The following NRDC variants were observed in gnomAD, a reference collection of about 807,000 sequenced individuals.
NRDC encodes nardilysin.
Under a neutral mutation model 147.1 loss-of-function variants are expected in NRDC, and 54 were observed. The ratio of observed to expected loss-of-function variants is 0.37; its 90% CI spans 0.29 to 0.46. NRDC has a LOEUF of 0.46. NRDC is among the 20% of genes least tolerant of loss of function. NRDC has a pLI of 1.00. For missense variants in NRDC, 1,082 were observed against 1,370.6 expected, an observed-to-expected ratio of 0.79 and a Z score of 3.33; for synonymous variants, 440 against 482.1, an observed-to-expected ratio of 0.91 and a Z score of 1.14.
At chr1:51,843,324 A>C (rs894290162) in intron 1 of NRDC, among the ~76,000 whole-genome samples, 29 of 151,900 alleles carry the variant, frequency 1.9e-4, no homozygotes, top group Non-Finnish European at 2.8e-4. Context: ...AAAAAAAAAA[A>C]AAAAACCCAA....
rs374695015 is a variant in NRDC at position 51,846,632 on chromosome 1, C to G, written c.342-6118G>C. Among the ~76,000 whole-genome samples, 342 of 152,320 alleles carry G rather than the reference C, an allele frequency of 2.2e-3. 1 individual carries two copies. Among genetic ancestry groups the G allele is most frequent in the African/African-American group, 8.1e-3 (335 of 41,570 alleles). ...ACTCTCGCTGGCTTCAGGAGTGAAG[C>G]TGCAGACCTTCAGGGTGAGTGTTAT... On this transcript the variant is annotated intron_variant, in intron 1 of 30. Transcript: ENST00000352171.
In NRDC at chr1:51,840,450, T is replaced by C; in HGVS notation, c.406A>G (p.Lys136Glu). Residue 136 changes from lysine to glutamate, a missense_variant, in exon 2 of 31, where the codon AAA (lysine) becomes GAA (glutamate). By Grantham distance (56) the Lys-to-Glu change is moderately conservative (BLOSUM62 1). Around this residue, in one of 3 missense-constraint regions of NRDC, gnomAD observed 260 missense variants for 253.2 expected, o/e 1.03. Coordinates refer to ENST00000352171, the MANE Select transcript of NRDC (RefSeq NM_001101662.2). ...TCATCATCTGTTGTATTTCCTGTTTTACCTTCCATATTACTTAGGTCTGAA... is the reference window on the plus strand; with the variant it reads ...TCATCATCTGTTGTATTTCCTGTTTCACCTTCCATATTACTTAGGTCTGAA... ...LISDLSNMEG[K>E]TGNTTDDEEE... The C allele has an allele frequency of 6.2e-7, 1 of 1,612,866 alleles. No individual in the cohort carries two copies. Among genetic ancestry groups the C allele is most frequent in the Non-Finnish European group, 8.5e-7 (1 of 1,179,242 alleles).
Position 51,840,379 on chromosome 1 carries a change from ATCT to A in NRDC, c.474_476del (p.Glu158del), listed in dbSNP as rs748393756. 2.6e-6 allele frequency: 4 copies of A among 1,526,440 alleles called. No homozygotes were observed. In the African/African-American group the frequency reaches 5.7e-5, roughly 22 times the overall value. 94.6% of individuals were successfully genotyped at this position (1,526,440 alleles called of 1,614,324 possible). The stretch of plus-strand genomic sequence containing the variant: ...CGTCATCTTCTATTTCAGCTCCAGA[ATCT>A]TCATCATCATCTTCTTCTTCTTCCT... On this transcript the variant is annotated inframe_deletion, in exon 2 of 31. Coordinates refer to ENST00000352171, the MANE Select transcript of NRDC (RefSeq NM_001101662.2).
At chr1:51,834,210 T>C (rs373239115) in intron 3 of NRDC, 40 bp from the exon 4 acceptor site, 125 of 1,599,656 alleles carry the variant, frequency 7.8e-5, no homozygotes, top group Admixed American at 6.9e-5. Context: ...CACAAAGATA[T>C]AGAAAATATT....
At chr1:51,837,125 A>G (rs1681023965) in intron 2 of NRDC, among the ~76,000 whole-genome samples, 1 of 152,158 alleles carries the variant, frequency 6.6e-6, no homozygotes, top group African/African-American at 2.4e-5. Context: ...AAAAAAGGAG[A>G]AAAAACGGTC....
intron 22 of NRDC, among the ~76,000 whole-genome samples, chr1:51,796,866 G>A (rs1345811265): frequency 5.3e-5 from 8 of 149,662 alleles, no homozygotes; most frequent in African/African-American, 1.7e-4. Context: ...GATTACAGGC[G>A]TGAGCCACCG....
intron 6 of NRDC, among the ~76,000 whole-genome samples, chr1:51,824,777 C>T (rs1250144171): frequency 6.6e-6 from 1 of 152,220 alleles, no homozygotes; most frequent in Non-Finnish European, 1.5e-5. Flanking sequence ...TCAAATCTCA[C>T]ATCCACCACT....
chr1:51,824,174 G>A (rs539033933), intron 6 of NRDC, among the ~76,000 whole-genome samples: 1 of 147,722 alleles, frequency 6.8e-6, no homozygotes, highest in African/African-American at 2.5e-5. Context: ...CGCCCAGGCT[G>A]GAGTGCAATA....
At position 51,793,903 on chromosome 1, in the gene NRDC, G is replaced by C. The variant is rs539365207; in HGVS notation, c.2775+569C>G. On this transcript the variant is annotated intron_variant, in intron 24 of 30. Transcript: ENST00000352171. ...TAGAGCTAACTGTGATTACTGCCAC[G>C]TGCTTCCTTCCTTTAAGCACCACAC... 2.6e-5 allele frequency: 4 copies of C among 152,720 alleles called. No homozygotes were observed. In the East Asian group the frequency reaches 7.7e-4, roughly 29 times the overall value. The allele number at this position is 152,720 out of a possible 1,614,324, so 9.5% of individuals were successfully genotyped here. A position where few individuals can be genotyped will look rare whatever the true frequency, so the allele number is the denominator to read the frequency against.
At chr1:51,868,545 T>A (rs544863494) in intron 1 of NRDC, among the ~76,000 whole-genome samples, 45 of 152,308 alleles carry the variant, frequency 3.0e-4, no homozygotes, top group Non-Finnish European at 5.0e-4. Context: ...AGTAATGTAT[T>A]TTCATAGAAT....
chr1:51,826,875 A>T (rs1365519540), intron 5 of NRDC, among the ~76,000 whole-genome samples: 1 of 152,172 alleles, frequency 6.6e-6, no homozygotes, highest in Non-Finnish European at 1.5e-5. Context: ...GTGTCAACCC[A>T]CTCTAGAAAC....
At chr1:51,843,409 C>T (rs754232697) in intron 1 of NRDC, among the ~76,000 whole-genome samples, 14 of 151,990 alleles carry the variant, frequency 9.2e-5, no homozygotes, top group Non-Finnish European at 8.8e-5. Context: ...GGATACGACA[C>T]CAAAGGAATC....
intron 1 of NRDC, among the ~76,000 whole-genome samples, chr1:51,848,986 C>T (rs1681796783): frequency 6.6e-6 from 1 of 152,146 alleles, no homozygotes; most frequent in Non-Finnish European, 1.5e-5. Context: ...AAATGAAAGA[C>T]CTCACTAAAC....
Position 51,826,829 on chromosome 1 carries a change from T to C in NRDC, c.940+967A>G, listed in dbSNP as rs1680468396. On this transcript the variant is annotated intron_variant, in intron 5 of 30. Coordinates refer to ENST00000352171, the MANE Select transcript of NRDC (RefSeq NM_001101662.2). ...TAAAATATATTCTGGCTTAAAATTG[T>C]AAAATCTAATTAAAGGTCTGCTTGT... 3.3e-5 allele frequency among the ~76,000 whole-genome samples: 5 copies of C among 152,180 alleles called. No individual in the cohort carries two copies. In the South Asian group the frequency reaches 1.0e-3, roughly 31 times the overall value.
Position 51,806,862 on chromosome 1 carries a change from A to G in NRDC, c.2042T>C (p.Val681Ala), listed in dbSNP as rs751488230. 12 of 1,614,072 alleles carry G rather than the reference A, an allele frequency of 7.4e-6. No homozygotes were observed. The South Asian group carries it at 9.9e-5, about 13-fold the overall frequency. Reference protein sequence around the residue: ...AFDCPETEYPVKIVNTPQGCL... With the variant: ...AFDCPETEYPAKIVNTPQGCL... ...ACCTTGTGGAGTATTCACAATTTTA[A>G]CTGGGTATTCTGTTTCCGGGCAATC... The change falls in exon 18 of 31, where the codon GTT (valine) becomes GCT (alanine). Residue 681 changes from valine (V) to alanine (A), a missense_variant. Transcript: ENST00000352171.
chr1:51,868,159 T>C (rs1335692666), intron 1 of NRDC, among the ~76,000 whole-genome samples: 1 of 151,990 alleles, frequency 6.6e-6, no homozygotes, highest in Non-Finnish European at 1.5e-5. Context: ...AAACAAATTC[T>C]CTCCCTTCAA....
At position 51,791,611 on chromosome 1, in the gene NRDC, G is replaced by A. The variant is rs1354955498; in HGVS notation, c.2927C>T (p.Ser976Phe). The A allele has an allele frequency of 6.2e-7, 1 of 1,613,950 alleles. No homozygotes were observed. The highest frequency in any genetic ancestry group is 8.5e-7 in the Non-Finnish European group (1 of 1,179,820). The change falls in exon 27 of 31, where the codon TCT (serine) becomes TTT (phenylalanine). Residue 976 changes from serine (S) to phenylalanine (F), a missense_variant. By Grantham distance (155) the Ser-to-Phe change is radical. Transcript: ENST00000352171. ...GGTTGCCTGAGTCCCCACAGTGACA[G>A]AAAATCCTAGAATCCCGGATGTGTT... ...CRNTSGILGF[S>F]VTVGTQATKY...
At chr1:51,856,255 T>A (rs1000477374) in intron 1 of NRDC, among the ~76,000 whole-genome samples, 1 of 152,220 alleles carries the variant, frequency 6.6e-6, no homozygotes, top group Non-Finnish European at 1.5e-5. Flanking sequence ...GCAACCAAAG[T>A]CTTCTGTGAC....
intron 19 of NRDC, 116 bp downstream of exon 19, chr1:51,805,394 A>G: frequency 2.7e-6 from 2 of 751,932 alleles, no homozygotes; most frequent in Non-Finnish European, 4.2e-6. Context: ...AAATACATAA[A>G]TCAGCAACAT....
Sources: gnomAD v4.1 joint callset for allele counts (sites outside exome capture counted in the v4.1 genomes callset) on GRCh38, gnomAD v4.1.1 for gene constraint, gnomAD v4.1.1 regional missense constraint, MANE v1.5 for transcripts, NCBI Gene and HGNC (gene_info 2026-07-23, HGNC 2026-07-21) for gene names.